The following FGF12 variants were observed in gnomAD, a reference collection of about 807,000 sequenced individuals.
FGF12 encodes fibroblast growth factor 12.
Under a neutral mutation model 23.6 loss-of-function variants are expected in FGF12, and 14 were observed. The observed-to-expected ratio is 0.59, with a 90% CI of 0.39 to 0.93. The LOEUF is 0.93. Ranked by LOEUF, FGF12 falls within the 40% of genes least tolerant of loss-of-function variation. FGF12 has a pLI of 0.00. For synonymous variants in FGF12, 62 were observed against 77.3 expected (o/e 0.80, Z 1.04); for missense variants, 175 against 217.8 (o/e 0.80, Z 1.24).
intron 4 of FGF12, among the ~76,000 whole-genome samples, chr3:192,305,006 T>C (rs914487187): frequency 2.0e-5 from 3 of 150,998 alleles, no homozygotes; most frequent in Admixed American, 2.0e-4. Flanking sequence ...AAGAAAGGGA[T>C]GGAGAAAGAG....
chr3:192,380,332 TGA>T (rs1719762582), intron 2 of FGF12, among the ~76,000 whole-genome samples: 1 of 152,198 alleles, frequency 6.6e-6, no homozygotes, highest in Non-Finnish European at 1.5e-5. Context: ...ATATTGGTTG[TGA>T]GATAATTTAT....
chr3:192,527,229 A>T (rs1378584589), intron 2 of FGF12, among the ~76,000 whole-genome samples: 1 of 152,202 alleles, frequency 6.6e-6, no homozygotes, highest in Non-Finnish European at 1.5e-5. Flanking sequence ...CCCTCACCAG[A>T]TGCTAGCAGC....
At chr3:192,198,351 T>A (rs1049083727) in intron 4 of FGF12, among the ~76,000 whole-genome samples, 1 of 152,152 alleles carries the variant, frequency 6.6e-6, no homozygotes. Flanking sequence ...TTAGTTAATA[T>A]CTATTTTCTA....
intron 2 of FGF12, among the ~76,000 whole-genome samples, chr3:192,537,780 CAGA>C (rs1185998472): frequency 2.0e-5 from 3 of 152,038 alleles, no homozygotes; most frequent in African/African-American, 7.2e-5. Flanking sequence ...CTTCACTTTG[CAGA>C]AGGTTTTTAA....
chr3:192,274,477 T>C (rs1713650699), intron 4 of FGF12, among the ~76,000 whole-genome samples: 1 of 152,054 alleles, frequency 6.6e-6, no homozygotes, highest in Non-Finnish European at 1.5e-5. Flanking sequence ...GTAATAAAAA[T>C]AGGAACGTGG....
intron 2 of FGF12, among the ~76,000 whole-genome samples, chr3:192,567,795 TTCTTTC>T (rs1272550695): frequency 1.4e-5 from 2 of 141,992 alleles, no homozygotes; most frequent in South Asian, 2.2e-4. Flanking sequence ...CTTTCTTTCT[TTCTTTC>T]TCTTTCTTTC....
rs147899255 is a variant in FGF12 at position 192,694,008 on chromosome 3, G to A, written c.13+33173C>T. ...GAAAATATTTGTGAACCATGTATCT[G>A]ATAAGGAGTTAATATCCAAAATATA... On this transcript the variant is annotated intron_variant, in intron 2 of 5. Transcript: ENST00000445105. 1.7e-3 allele frequency among the ~76,000 whole-genome samples: 261 copies of A among 152,220 alleles called. 1 individual carries two copies. Among genetic ancestry groups the A allele is most frequent in the African/African-American group, 5.8e-3 (241 of 41,542 alleles).
chr3:192,437,984 C>A (rs769158124), intron 2 of FGF12, among the ~76,000 whole-genome samples: 1 of 152,190 alleles, frequency 6.6e-6, no homozygotes, highest in Non-Finnish European at 1.5e-5. Context: ...CCTCAACTGA[C>A]TAAAAAAGTC....
intron 2 of FGF12, among the ~76,000 whole-genome samples, chr3:192,668,080 G>T (rs1164265141): frequency 1.3e-5 from 2 of 151,860 alleles, no homozygotes; most frequent in African/African-American, 4.8e-5. Flanking sequence ...TGGAGAATTG[G>T]TTTAATAAAT....
At chr3:192,286,221 T>C (rs989420292) in intron 4 of FGF12, among the ~76,000 whole-genome samples, 1 of 152,012 alleles carries the variant, frequency 6.6e-6, no homozygotes, top group East Asian at 1.9e-4. Context: ...AAGTTTTCCA[T>C]TACATGTGCT....
intron 2 of FGF12, among the ~76,000 whole-genome samples, chr3:192,654,717 C>T (rs2108678916): frequency 6.6e-6 from 1 of 152,246 alleles, no homozygotes; most frequent in Non-Finnish European, 1.5e-5. Context: ...CGTTCCTTTC[C>T]CCACACCACC....
intron 2 of FGF12, among the ~76,000 whole-genome samples, chr3:192,567,797 CT>C (rs1712403726): frequency 7.5e-6 from 1 of 134,204 alleles, no homozygotes; most frequent in Admixed American, 7.6e-5. Context: ...TTCTTTCTTT[CT>C]TTCTCTTTCT....
At chr3:192,248,031 A>G (rs1407450581) in intron 4 of FGF12, among the ~76,000 whole-genome samples, 1 of 152,162 alleles carries the variant, frequency 6.6e-6, no homozygotes, top group East Asian at 1.9e-4. Flanking sequence ...TGAGAGTTCT[A>G]AAGGGGGAAT....
intron 2 of FGF12, among the ~76,000 whole-genome samples, chr3:192,396,673 T>C (rs1398883751): frequency 1.3e-5 from 2 of 152,210 alleles, no homozygotes; most frequent in Non-Finnish European, 2.9e-5. Context: ...AAGGCTAATG[T>C]CACAGTTAGT....
At chr3:192,147,408 T>C (rs371610573) in intron 5 of FGF12, among the ~76,000 whole-genome samples, 24 of 152,292 alleles carry the variant, frequency 1.6e-4, no homozygotes, top group African/African-American at 5.8e-4. Flanking sequence ...CTACCATCCA[T>C]AGTTGCATTA....
At chr3:192,601,057 A>G (rs550307371) in intron 2 of FGF12, among the ~76,000 whole-genome samples, 400 of 152,252 alleles carry the variant, frequency 2.6e-3, no homozygotes, top group Middle Eastern at 6.8e-3. Flanking sequence ...TAGGTGTCCA[A>G]CAACTGATGA....
At chr3:192,378,075 TTTCTTTCTTTCTTTCTTTC>T (rs1719633990) in intron 2 of FGF12, among the ~76,000 whole-genome samples, 1 of 112,146 alleles carries the variant, frequency 8.9e-6, no homozygotes, top group African/African-American at 4.5e-5. Flanking sequence ...TCTTTCTTTC[TTTCTTTCTTTCTTTCTTTC>T]TTCTTTCTTT....
At chr3:192,259,935 C>T (rs1712641931) in intron 4 of FGF12, among the ~76,000 whole-genome samples, 3 of 152,114 alleles carry the variant, frequency 2.0e-5, no homozygotes, top group Non-Finnish European at 4.4e-5. Flanking sequence ...GTGGCATTCT[C>T]ATATATGTCT....
chr3:192,359,057 T>A (rs1212664924), intron 3 of FGF12, among the ~76,000 whole-genome samples: 1 of 152,158 alleles, frequency 6.6e-6, no homozygotes, highest in South Asian at 2.1e-4. Context: ...GAGAGAAAAG[T>A]ATCCTGATTC....
Sources: allele counts gnomAD v4.1 joint callset (sites outside exome capture counted in the v4.1 genomes callset), GRCh38; gene constraint gnomAD v4.1.1; transcripts MANE v1.5; gene names NCBI Gene and HGNC (gene_info 2026-07-23, HGNC 2026-07-21).